The following SLC39A10 variants were observed in gnomAD, a reference collection of about 807,000 sequenced individuals.
SLC39A10 encodes solute carrier family 39 member 10, also known as zinc transporter ZIP10.
In SLC39A10, 13 loss-of-function variants were observed where a neutral mutation model predicts 65.1. That is an observed-to-expected ratio of 0.20 (90% CI 0.13 to 0.32). SLC39A10 has a LOEUF of 0.32. SLC39A10 is among the 10% of genes least tolerant of loss of function. SLC39A10 has a pLI of 1.00. For missense variants in SLC39A10, 831 were observed against 1,018.4 expected, an observed-to-expected ratio of 0.82 and a Z score of 2.50; for synonymous variants, 321 against 342.2, an observed-to-expected ratio of 0.94 and a Z score of 0.68.
intron 9 of SLC39A10, among the ~76,000 whole-genome samples, chr2:195,731,969 A>G (rs895212205): frequency 2.6e-5 from 4 of 152,232 alleles, no homozygotes; most frequent in Non-Finnish European, 5.9e-5. Context: ...AGTATTTATA[A>G]TGTCACAATT....
intron 2 of SLC39A10, among the ~76,000 whole-genome samples, chr2:195,649,561 A>G (rs1247185096): frequency 6.6e-6 from 1 of 152,232 alleles, no homozygotes; most frequent in Non-Finnish European, 1.5e-5. Context: ...TGGATGTATT[A>G]ATTTCAACCA....
chr2:195,636,224 T>G (rs929019861), intron 2 of SLC39A10, among the ~76,000 whole-genome samples: 1 of 152,214 alleles, frequency 6.6e-6, no homozygotes, highest in African/African-American at 2.4e-5. Flanking sequence ...AACAGACTAA[T>G]GCAGAAGCAG....
At chr2:195,638,465 G>A (rs925817215) in intron 2 of SLC39A10, among the ~76,000 whole-genome samples, 3 of 151,722 alleles carry the variant, frequency 2.0e-5, no homozygotes, top group East Asian at 3.9e-4. Context: ...TTAGCCTCCC[G>A]AGTAGCTGAG....
chr2:195,660,336 T>C (rs1418581022), intron 1 of SLC39A10, among the ~76,000 whole-genome samples: 1 of 152,236 alleles, frequency 6.6e-6, no homozygotes, highest in Non-Finnish European at 1.5e-5. Context: ...AAGAGAAATG[T>C]AGGGAATCAA....
At chr2:195,708,539 T>C (rs1691489961) in intron 4 of SLC39A10, 117 bp from the exon 5 acceptor site, 2 of 809,960 alleles carry the variant, frequency 2.5e-6, no homozygotes, top group Non-Finnish European at 1.8e-6. Flanking sequence ...GGGAGCACTT[T>C]AAAACTTGAA....
chr2:195,630,550 C>T (rs543703081), intron 2 of SLC39A10, among the ~76,000 whole-genome samples: 3 of 152,106 alleles, frequency 2.0e-5, no homozygotes, highest in South Asian at 2.1e-4. Context: ...ATCAGAAAGT[C>T]GGGGAAACAT....
intron 2 of SLC39A10, among the ~76,000 whole-genome samples, chr2:195,683,408 C>T (rs1047358474): frequency 3.9e-5 from 6 of 152,004 alleles, no homozygotes; most frequent in Non-Finnish European, 7.4e-5. Context: ...CATCATCCTA[C>T]GAGAGTCTTG....
chr2:195,622,003 T>C (rs1219908537), intron 2 of SLC39A10, among the ~76,000 whole-genome samples: 1 of 152,180 alleles, frequency 6.6e-6, no homozygotes, highest in Non-Finnish European at 1.5e-5. Flanking sequence ...TGGGTCTAAG[T>C]CTGTATCTTT....
intron 2 of SLC39A10, among the ~76,000 whole-genome samples, chr2:195,621,635 A>G (rs1044884207): frequency 7.2e-5 from 11 of 152,230 alleles, no homozygotes; most frequent in African/African-American, 2.2e-4. Context: ...CAGAAGGTAG[A>G]ATTAGGGAGA....
At chr2:195,640,258 A>G (rs986117366) in intron 2 of SLC39A10, among the ~76,000 whole-genome samples, 1 of 152,068 alleles carries the variant, frequency 6.6e-6, no homozygotes, top group African/African-American at 2.4e-5. Flanking sequence ...TGTCTTTATA[A>G]GTCCTTAAGA....
intron 2 of SLC39A10, among the ~76,000 whole-genome samples, chr2:195,647,637 C>A (rs1432257579): frequency 6.6e-6 from 1 of 151,854 alleles, no homozygotes; most frequent in Non-Finnish European, 1.5e-5. Flanking sequence ...GCAAGCTATA[C>A]CTATATCTAA....
intron 2 of SLC39A10, among the ~76,000 whole-genome samples, chr2:195,681,882 G>A (rs955312313): frequency 1.3e-5 from 2 of 152,092 alleles, no homozygotes; most frequent in South Asian, 4.1e-4. Flanking sequence ...AGTCATTGGT[G>A]TAGCTCCAAA....
intron 9 of SLC39A10, among the ~76,000 whole-genome samples, chr2:195,730,544 C>T (rs1692400193): frequency 1.3e-5 from 2 of 152,310 alleles, no homozygotes; most frequent in South Asian, 4.1e-4. Context: ...CTTTTCTCCA[C>T]CTTGCTGGCT....
At chr2:195,671,355 G>T (rs1173759192) in intron 1 of SLC39A10, among the ~76,000 whole-genome samples, 1 of 152,122 alleles carries the variant, frequency 6.6e-6, no homozygotes, top group African/African-American at 2.4e-5. Flanking sequence ...AAATAAATTT[G>T]TTGTGGCACT....
At chr2:195,642,286 C>G (rs1225351996) in intron 2 of SLC39A10, among the ~76,000 whole-genome samples, 1 of 152,108 alleles carries the variant, frequency 6.6e-6, no homozygotes, top group Non-Finnish European at 1.5e-5. Context: ...CACAAGGCAT[C>G]TGTAAGAATT....
At chr2:195,731,108 C>T (rs1179447005) in intron 9 of SLC39A10, among the ~76,000 whole-genome samples, 3 of 152,202 alleles carry the variant, frequency 2.0e-5, no homozygotes, top group Non-Finnish European at 4.4e-5. Flanking sequence ...GTATGCTTCA[C>T]ATTGTGGTTT....
intron 2 of SLC39A10, among the ~76,000 whole-genome samples, chr2:195,624,395 GAA>G (rs35636489): frequency 6.1e-5 from 4 of 65,982 alleles, no homozygotes; most frequent in Non-Finnish European, 6.9e-5. Flanking sequence ...CTCAAATAAG[GAA>G]AAAAAAAAAA....
At chr2:195,653,316 CAG>C (rs1689080534), upstream of SLC39A10, among the ~76,000 whole-genome samples, 3 of 135,172 alleles carry the variant, frequency 2.2e-5, no homozygotes, top group African/African-American at 8.5e-5. Flanking sequence ...TTTTTTGAGA[CAG>C]AGTCTTCTTC....
chr2:195,617,497 T>A (rs1350641252), intron 2 of SLC39A10, among the ~76,000 whole-genome samples: 1 of 151,762 alleles, frequency 6.6e-6, no homozygotes, highest in East Asian at 2.0e-4. Context: ...GGGAGGCAGA[T>A]GTTGCAGTGA....
Sources: gnomAD v4.1 joint callset for allele counts (sites outside exome capture counted in the v4.1 genomes callset) on GRCh38, gnomAD v4.1.1 for gene constraint, MANE v1.5 for transcripts, NCBI Gene and HGNC (gene_info 2026-07-23, HGNC 2026-07-21) for gene names.